ADGRB3: variants seen among roughly 807,000 people sequenced by gnomAD.
ADGRB3 encodes adhesion G protein-coupled receptor B3.
A neutral mutation model predicts 193.4 loss-of-function variants in ADGRB3; 37 were observed. That is an observed-to-expected ratio of 0.19 (90% confidence interval 0.15 to 0.25). The LOEUF (loss-of-function observed/expected upper bound fraction) is 0.25. ADGRB3 is among the 10% of genes least tolerant of loss of function. The pLI, the probability that ADGRB3 is intolerant of heterozygous loss-of-function variation, is 1.00. For synonymous variants in ADGRB3, 690 were observed against 644.2 expected (o/e 1.07, Z -1.08); for missense variants, 1,637 against 1,852.9 (o/e 0.88, Z 2.14).
At chr6:69,168,167 A>G (rs1179459428) in intron 17 of ADGRB3, among the ~76,000 whole-genome samples, 2 of 152,130 alleles carry the variant, frequency 1.3e-5, no homozygotes. Flanking sequence ...GAATCTAATA[A>G]ATTATAAGAG....
At chr6:69,303,345 G>GCCTGCCTCT (rs1332291089) in intron 20 of ADGRB3, among the ~76,000 whole-genome samples, 1 of 151,818 alleles carries the variant, frequency 6.6e-6, no homozygotes, top group Non-Finnish European at 1.5e-5. Context: ...CACCGAGTGT[G>GCCTGCCTCT]CCTGCCTCTC....
chr6:69,333,853 C>T (rs962225970), intron 24 of ADGRB3, among the ~76,000 whole-genome samples: 2 of 150,828 alleles, frequency 1.3e-5, no homozygotes, highest in Non-Finnish European at 3.0e-5. Flanking sequence ...TGGCGTGAAC[C>T]TGGGAGGCGG....
At chr6:68,744,168 A>G (rs1288215212) in intron 3 of ADGRB3, among the ~76,000 whole-genome samples, 1 of 152,142 alleles carries the variant, frequency 6.6e-6, no homozygotes, top group Non-Finnish European at 1.5e-5. Flanking sequence ...TTTTATCTTG[A>G]AGGCTTCTAT....
Position 69,177,752 on chromosome 6 carries a change from A to C in ADGRB3, c.2481-55538A>C, listed in dbSNP as rs186632074. Among the ~76,000 whole-genome samples, 403 of 152,306 alleles carry C rather than the reference A, an allele frequency of 2.6e-3. 8 individuals carry two copies. Among genetic ancestry groups the C allele is most frequent in the Non-Finnish European group, 8.2e-4 (56 of 68,022 alleles). ...CATATAATAGTGTGTTTTTGAAATA[A>C]CTTCTTGGTATTGGTTTTCATTTTT... is the stretch of plus-strand genomic sequence containing the variant. On this transcript the variant is annotated intron_variant, in intron 17 of 31. Transcript: ENST00000370598.
At chr6:69,211,965 G>A (rs201051859) in intron 17 of ADGRB3, among the ~76,000 whole-genome samples, 2 of 152,166 alleles carry the variant, frequency 1.3e-5, no homozygotes, top group Non-Finnish European at 2.9e-5. Flanking sequence ...TCAGAGAAAT[G>A]TACAGAGAGA....
Position 68,934,175 on chromosome 6 carries a change from C to G in ADGRB3, c.869-2344C>G, listed in dbSNP as rs568854329. Among the ~76,000 whole-genome samples the G allele has an allele frequency of 2.2e-4, 33 of 152,160 alleles. No homozygotes were observed. The East Asian group carries it at 6.2e-3, about 29-fold the overall frequency. On this transcript the variant is annotated intron_variant, in intron 4 of 31. Coordinates refer to ENST00000370598, the MANE Select transcript of ADGRB3 (RefSeq NM_001704.3). ...TAACAAGAACATTTTGATAGGTAGG[C>G]CACTATTTCACTGGCAAAATTTTAA...
intron 17 of ADGRB3, among the ~76,000 whole-genome samples, chr6:69,192,430 G>GGTCT (rs543008578): frequency 1.5e-3 from 227 of 152,088 alleles, no homozygotes; most frequent in African/African-American, 5.0e-3. Context: ...ATTGAGGGTG[G>GGTCT]GTCTGCCTCT....
intron 17 of ADGRB3, among the ~76,000 whole-genome samples, chr6:69,224,343 GT>G (rs1004416208): frequency 1.9e-4 from 29 of 152,088 alleles, no homozygotes; most frequent in Admixed American, 1.8e-3. Flanking sequence ...AGTAACATAT[GT>G]TTAAATGTGC....
chr6:69,308,642 A>AAAAG (rs1169796710), intron 20 of ADGRB3, among the ~76,000 whole-genome samples: 14 of 151,692 alleles, frequency 9.2e-5, no homozygotes, highest in Admixed American at 9.2e-4. Context: ...AGTAACATAG[A>AAAAG]AAAGATAAAA....
chr6:69,087,640 A>C (rs1772588408), intron 17 of ADGRB3, among the ~76,000 whole-genome samples: 1 of 152,168 alleles, frequency 6.6e-6, no homozygotes, highest in African/African-American at 2.4e-5. Flanking sequence ...TTTATAAATT[A>C]CCCAATGTAA....
At chr6:69,040,881 T>C (rs191828668) in intron 13 of ADGRB3, among the ~76,000 whole-genome samples, 87 of 152,266 alleles carry the variant, frequency 5.7e-4, no homozygotes, top group African/African-American at 2.0e-3. Flanking sequence ...GTTACTTTCT[T>C]GACTGGCCTT....
At chr6:68,861,603 AT>A (rs1285731355) in intron 3 of ADGRB3, among the ~76,000 whole-genome samples, 1 of 152,220 alleles carries the variant, frequency 6.6e-6, no homozygotes, top group Non-Finnish European at 1.5e-5. Context: ...ACTTGTCAGT[AT>A]ACAACAGTTA....
At chr6:69,348,484 T>TA (rs1320940215) in intron 26 of ADGRB3, among the ~76,000 whole-genome samples, 1 of 48,164 alleles carries the variant, frequency 2.1e-5, no homozygotes, top group Non-Finnish European at 4.2e-5. Context: ...CTGTCTTTAC[T>TA]AAAAAATGCA....
chr6:69,101,444 G>GTGTGTGTGTGTGTA (rs1773053184), intron 17 of ADGRB3, among the ~76,000 whole-genome samples: 1 of 151,668 alleles, frequency 6.6e-6, no homozygotes, highest in South Asian at 2.1e-4. Context: ...GTGTGTGTGT[G>GTGTGTGTGTGTGTA]TGTGTGTGTG....
chr6:68,855,785 A>G (rs935381869), intron 3 of ADGRB3, among the ~76,000 whole-genome samples: 4 of 152,280 alleles, frequency 2.6e-5, no homozygotes, highest in African/African-American at 9.6e-5. Flanking sequence ...TCAGAAGGCC[A>G]CGGCAGGAAG....
At chr6:68,814,710 T>C (rs1352360797) in intron 3 of ADGRB3, among the ~76,000 whole-genome samples, 1 of 152,140 alleles carries the variant, frequency 6.6e-6, no homozygotes, top group Non-Finnish European at 1.5e-5. Context: ...CCAATATCCC[T>C]GATGAACATC....
intron 13 of ADGRB3, among the ~76,000 whole-genome samples, chr6:69,040,327 TTCTTTC>T (rs1200043427): frequency 2.3e-5 from 1 of 43,868 alleles, no homozygotes; most frequent in African/African-American, 6.8e-5. Flanking sequence ...CTTTCTTTCT[TTCTTTC>T]TTTCTTTCTT....
intron 3 of ADGRB3, among the ~76,000 whole-genome samples, chr6:68,916,228 A>G (rs1766876073): frequency 6.6e-6 from 1 of 152,190 alleles, no homozygotes; most frequent in Non-Finnish European, 1.5e-5. Context: ...TAAAAATTAA[A>G]CATACAATTA....
At chr6:69,263,394 T>C (rs2127274821) in intron 20 of ADGRB3, among the ~76,000 whole-genome samples, 1 of 152,176 alleles carries the variant, frequency 6.6e-6, no homozygotes. Flanking sequence ...TATTTTCGCA[T>C]GATGGCACCT....
Sources: allele counts gnomAD v4.1 joint callset (sites outside exome capture counted in the v4.1 genomes callset), GRCh38; gene constraint gnomAD v4.1.1; transcripts MANE v1.5; gene names NCBI Gene and HGNC (gene_info 2026-07-23, HGNC 2026-07-21).